The following KAZN variants were observed in gnomAD, a reference collection of about 807,000 sequenced individuals.
The protein encoded by KAZN is kazrin.
Under a neutral mutation model 87.4 loss-of-function variants are expected in KAZN, and 40 were observed. That is an observed-to-expected ratio of 0.46 (90% CI 0.36 to 0.60). KAZN has a LOEUF of 0.60. Among genes scored for constraint, KAZN ranks in the 20% least tolerant of loss-of-function variants. KAZN has a pLI of 0.00. For missense variants in KAZN, 898 were observed against 1,073.9 expected, an observed-to-expected ratio of 0.84 and a Z score of 2.29; for synonymous variants, 466 against 458.3, an observed-to-expected ratio of 1.02 and a Z score of -0.22.
intron 2 of KAZN, among the ~76,000 whole-genome samples, chr1:14,436,431 G>C (rs1666387338): frequency 6.6e-6 from 1 of 152,040 alleles, no homozygotes; most frequent in Non-Finnish European, 1.5e-5. Context: ...GCCAGGCACT[G>C]ATATGCATTT....
intron 1 of KAZN, among the ~76,000 whole-genome samples, chr1:14,696,563 T>G (rs1641614376): frequency 6.6e-6 from 1 of 152,192 alleles, no homozygotes; most frequent in Non-Finnish European, 1.5e-5. Context: ...ATTGCATGTT[T>G]CCTGCCTATT....
At chr1:14,784,490 A>C (rs1466539458) in intron 1 of KAZN, among the ~76,000 whole-genome samples, 2 of 152,112 alleles carry the variant, frequency 1.3e-5, no homozygotes, top group Admixed American at 6.6e-5. Flanking sequence ...CGGGCATGGC[A>C]GCTCACACCT....
intron 10 of KAZN, among the ~76,000 whole-genome samples, chr1:15,098,745 GTT>G (rs1640907249): frequency 1.3e-5 from 2 of 152,250 alleles, no homozygotes; most frequent in Admixed American, 6.5e-5. Context: ...TGGGCCAGAA[GTT>G]TCCAGTTCAG....
At chr1:14,262,202 C>A (rs1651084389) in intron 2 of KAZN, among the ~76,000 whole-genome samples, 1 of 151,988 alleles carries the variant, frequency 6.6e-6, no homozygotes, top group South Asian at 2.1e-4. Flanking sequence ...TTGCTTGAGC[C>A]CAGGAGTTTG....
At chr1:13,932,047 G>C (rs1406851809) in intron 1 of KAZN, among the ~76,000 whole-genome samples, 1 of 146,428 alleles carries the variant, frequency 6.8e-6, no homozygotes, top group African/African-American at 2.6e-5. Flanking sequence ...TAGTAGAGAT[G>C]GGGTTTCACC....
At chr1:14,091,451 G>T (rs1281145458) in intron 1 of KAZN, among the ~76,000 whole-genome samples, 1 of 152,178 alleles carries the variant, frequency 6.6e-6, no homozygotes, top group Admixed American at 6.5e-5. Flanking sequence ...ATGTGTGTGT[G>T]TGCATTCAGT....
At chr1:13,938,681 G>C (rs1257666081) in intron 1 of KAZN, among the ~76,000 whole-genome samples, 3 of 152,212 alleles carry the variant, frequency 2.0e-5, no homozygotes, top group Non-Finnish European at 2.9e-5. Flanking sequence ...ATCCCCACTG[G>C]GGAACTGCCT....
At chr1:13,912,819 C>A (rs923835758) in intron 1 of KAZN, among the ~76,000 whole-genome samples, 20 of 145,862 alleles carry the variant, frequency 1.4e-4, no homozygotes. Context: ...TGGTCTCGAA[C>A]TCCTGACCTC....
rs1270066233 is a variant in KAZN, at chr1:15,099,403, C to CT, written c.1548-2137dup. On this transcript the variant is annotated intron_variant, in intron 10 of 14. Transcript: ENST00000376030. The surrounding 1 kb of genome is among the most constrained non-coding windows in gnomAD (Gnocchi z 5.4). Reference sequence around the variant, plus strand: ...GCTTAGGTTCAGTATGTGATTAGAGCTTTGAAGGAAAGCACTAGGGACAGT... The same window carrying CT: ...GCTTAGGTTCAGTATGTGATTAGAGCTTTTGAAGGAAAGCACTAGGGACAGT... Among the ~76,000 whole-genome samples, 1 of 152,212 alleles carries CT rather than the reference C, an allele frequency of 6.6e-6. No individual in the cohort carries two copies. Among genetic ancestry groups the CT allele is most frequent in the East Asian group, 1.9e-4 (1 of 5,194 alleles).
intron 2 of KAZN, among the ~76,000 whole-genome samples, chr1:14,537,356 T>G (rs955180570): frequency 6.6e-6 from 1 of 152,258 alleles, no homozygotes; most frequent in South Asian, 2.1e-4. Flanking sequence ...ATGCCACTCT[T>G]GAGCATGTGA....
intron 1 of KAZN, among the ~76,000 whole-genome samples, chr1:14,717,307 G>A (rs980640074): frequency 6.6e-6 from 1 of 151,874 alleles, no homozygotes; most frequent in Non-Finnish European, 1.5e-5. Context: ...GTTGATGAAC[G>A]AGAAAGACAC....
chr1:13,936,180 T>C (rs1233775742), intron 1 of KAZN, among the ~76,000 whole-genome samples: 1 of 135,280 alleles, frequency 7.4e-6, no homozygotes, highest in Non-Finnish European at 1.5e-5. Context: ...CACCACAACC[T>C]CTGCCTCCCA....
At chr1:14,868,059 C>A (rs1005682298) in intron 1 of KAZN, among the ~76,000 whole-genome samples, 1 of 75,016 alleles carries the variant, frequency 1.3e-5, no homozygotes, top group African/African-American at 3.8e-5. Context: ...CACATACGCA[C>A]AGCATTGCAT....
At chr1:14,638,581 A>AAAAAAAAAAAC (rs1553201085) in intron 1 of KAZN, among the ~76,000 whole-genome samples, 20 of 39,634 alleles carry the variant, frequency 5.0e-4, no homozygotes, top group African/African-American at 1.6e-3. Flanking sequence ...AAAAAAAACA[A>AAAAAAAAAAAC]AAAAAAAAAA....
At chr1:14,413,841 C>A (rs888544598) in intron 2 of KAZN, among the ~76,000 whole-genome samples, 9 of 152,070 alleles carry the variant, frequency 5.9e-5, no homozygotes, top group Non-Finnish European at 1.3e-4. Context: ...GTTATATCCA[C>A]AATTCAGTGA....
chr1:14,241,721 A>T (rs1347726128), intron 2 of KAZN, among the ~76,000 whole-genome samples: 1 of 152,166 alleles, frequency 6.6e-6, no homozygotes, highest in Non-Finnish European at 1.5e-5. Flanking sequence ...CTTGAGCAAG[A>T]CCATAGTCAG....
intron 3 of KAZN, among the ~76,000 whole-genome samples, chr1:15,035,445 G>A (rs973586297): frequency 3.3e-5 from 5 of 152,190 alleles, no homozygotes; most frequent in South Asian, 2.1e-4. Context: ...TGGGCTCTGT[G>A]GGGTGAATAG....
chr1:14,759,985 C>T (rs1334720725), intron 1 of KAZN, among the ~76,000 whole-genome samples: 4 of 152,070 alleles, frequency 2.6e-5, no homozygotes, highest in Admixed American at 6.5e-5. Context: ...CCCCTCAGGG[C>T]AGCCCCTCCT....
intron 8 of KAZN, among the ~76,000 whole-genome samples, chr1:15,084,814 A>G (rs532238865): frequency 1.3e-5 from 2 of 152,348 alleles, no homozygotes; most frequent in South Asian, 4.1e-4. Context: ...GCAAATTAAG[A>G]TCAAATATGT....
Sources: allele counts gnomAD v4.1 joint callset (sites outside exome capture counted in the v4.1 genomes callset), GRCh38; gene constraint gnomAD v4.1.1; non-coding constraint Gnocchi (gnomAD v3.1); transcripts MANE v1.5; gene names NCBI Gene and HGNC (gene_info 2026-07-23, HGNC 2026-07-21).